C3orf52: variants seen among roughly 807,000 people sequenced by gnomAD.
The protein encoded by C3orf52 is TPA-induced transmembrane protein.
C3orf52 carries 22 observed loss-of-function variants against 24.8 expected under a neutral mutation model. The ratio of observed to expected loss-of-function variants is 0.89; its 90% CI spans 0.63 to 1.27. C3orf52 has a LOEUF of 1.27. C3orf52 is among the 50% of genes most tolerant of loss of function. The pLI is 0.00. For synonymous variants in C3orf52, 93 were observed against 100.2 expected, an observed-to-expected ratio of 0.93 and a Z score of 0.43; for missense variants, 265 against 260.7, an observed-to-expected ratio of 1.02 and a Z score of -0.11.
intron 4 of C3orf52, among the ~76,000 whole-genome samples, chr3:112,110,358 A>G (rs1373390683): frequency 6.6e-6 from 1 of 152,114 alleles, no homozygotes; most frequent in African/African-American, 2.4e-5. Context: ...AATAAAAAAA[A>G]GAAGACATAA....
At chr3:112,107,405 G>A (rs1209453507) in intron 3 of C3orf52, among the ~76,000 whole-genome samples, 2 of 152,166 alleles carry the variant, frequency 1.3e-5, no homozygotes, top group African/African-American at 4.8e-5. Context: ...CCTAGTTCCC[G>A]AGTTTTCTAA....
At position 112,086,538 on chromosome 3, in the gene C3orf52, C is replaced by T. The variant is rs778923035; in HGVS notation, c.131C>T (p.Pro44Leu). Residue 44 changes from proline (P) to leucine (L), a missense_variant, in exon 1 of 6, where the codon CCG (proline) becomes CTG (leucine). Pro to Leu is a moderately conservative substitution (Grantham distance 98). Transcript: ENST00000264848. Reference sequence around the variant, plus strand: ...CCTTCTTTGGACGAGGAGGTCCCCCCGGCCGAGGTAAGGTCCCCTTGGCGC... The same window carrying T: ...CCTTCTTTGGACGAGGAGGTCCCCCTGGCCGAGGTAAGGTCCCCTTGGCGC... ...VFPSLDEEVP[P>L]AEANKESPWS... 41 of 1,550,710 alleles carry T rather than the reference C, an allele frequency of 2.6e-5. No individual in the cohort carries two copies. The highest frequency in any genetic ancestry group is 2.2e-4 in the East Asian group (9 of 40,872).
downstream of C3orf52, chr3:112,123,149 C>G: frequency 2.6e-6 from 1 of 380,778 alleles, no homozygotes; most frequent in Middle Eastern, 7.7e-4. Flanking sequence ...AGAGCAGAGC[C>G]CCTTGTGGTG....
chr3:112,130,725 A>G, downstream of C3orf52: 2 of 577,518 alleles, frequency 3.5e-6, no homozygotes, highest in East Asian at 3.0e-5. Flanking sequence ...GCAACAGCCC[A>G]CTGATGTTCT....
Position 112,118,060 on chromosome 3 carries a change from A to C in C3orf52, c.*1414A>C, listed in dbSNP as rs2074154688. Reference sequence around the variant, plus strand: ...GTCTCATTTTAGTGATTGTTCCTTAAACTAGTGAAACTAGTGGATTTCTCT... The same window carrying C: ...GTCTCATTTTAGTGATTGTTCCTTACACTAGTGAAACTAGTGGATTTCTCT... On this transcript the variant is annotated 3_prime_UTR_variant, in exon 6 of 6. Transcript: ENST00000264848. 6.6e-6 allele frequency: 1 copy of C among 152,206 alleles called. No homozygotes were observed. Among genetic ancestry groups the C allele is most frequent in the African/African-American group, 2.4e-5 (1 of 41,456 alleles). 9.4% of individuals were successfully genotyped at this position (152,206 alleles called of 1,614,324 possible).
chr3:112,133,207 G>A (rs1223289393), downstream of C3orf52: 4 of 1,461,778 alleles, frequency 2.7e-6, no homozygotes, highest in South Asian at 2.3e-5. Flanking sequence ...CTGACTTAAA[G>A]AAAGGGCTGT....
At chr3:112,124,082 G>A (rs2074256672) in intron 4 of C3orf52, among the ~76,000 whole-genome samples, 1 of 152,192 alleles carries the variant, frequency 6.6e-6, no homozygotes, top group Non-Finnish European at 1.5e-5. Context: ...CCCATTGTTG[G>A]AGGTGGTGCC....
intron 1 of C3orf52, among the ~76,000 whole-genome samples, 171 bp from the exon 2 acceptor site, chr3:112,093,189 G>A (rs79910261): frequency 6.0e-4 from 91 of 152,280 alleles, no homozygotes; most frequent in African/African-American, 2.1e-3. Flanking sequence ...ACTTCTTGAT[G>A]AGGTTCTGTT....
downstream of C3orf52, chr3:112,130,271 C>T (rs2074421740): frequency 6.4e-6 from 4 of 626,162 alleles, no homozygotes; most frequent in South Asian, 1.9e-5. Context: ...AGCATATCTC[C>T]TGTCCAAAGT....
intron 2 of C3orf52, among the ~76,000 whole-genome samples, chr3:112,095,223 C>T (rs760750168): frequency 3.9e-5 from 6 of 152,166 alleles, no homozygotes; most frequent in Non-Finnish European, 7.3e-5. Flanking sequence ...GTGTGCTGCA[C>T]CTCCTCCGTC....
chr3:112,122,141 T>G (rs1256942992), downstream of C3orf52: 2 of 152,254 alleles, frequency 1.3e-5, no homozygotes, highest in African/African-American at 4.8e-5. Context: ...ATTTTATTGG[T>G]GCTTGCTCTT....
chr3:112,130,219 T>C (rs1273170709), downstream of C3orf52: 1 of 569,940 alleles, frequency 1.8e-6, no homozygotes, highest in African/African-American at 1.9e-5. Flanking sequence ...AGCAGGGTCT[T>C]AGTTCCTGTT....
chr3:112,086,811 G>C lies in C3orf52; in HGVS notation c.138+266G>C, dbSNP rs538441418. Among the ~76,000 whole-genome samples, 174 of 152,326 alleles carry C rather than the reference G, an allele frequency of 1.1e-3. 1 individual carries two copies. The highest frequency in any genetic ancestry group is 4.1e-3 in the African/African-American group (171 of 41,576). ...ATCCTAGTGGTGAGGTGTGGCCGCT[G>C]CTGTCTTCAGAGAGGTATTCCGGAG... is the stretch of plus-strand genomic sequence containing the variant. On this transcript the variant is annotated intron_variant, in intron 1 of 5. Coordinates refer to ENST00000264848, the MANE Select transcript of C3orf52 (RefSeq NM_024616.3).
chr3:112,118,903 C>T (rs2074163741), downstream of C3orf52, among the ~76,000 whole-genome samples: 1 of 152,196 alleles, frequency 6.6e-6, no homozygotes, highest in Non-Finnish European at 1.5e-5. Flanking sequence ...AGCCATGTGT[C>T]TGATTCTTTT....
chr3:112,112,839 A>C (rs1160918523), intron 4 of C3orf52, 125 bp from the exon 5 acceptor site: 1 of 792,090 alleles, frequency 1.3e-6, no homozygotes, highest in Non-Finnish European at 2.2e-6. Context: ...AGGACAGAAC[A>C]TTCTTTGCTA....
At position 112,125,272 on chromosome 3, in the gene C3orf52, A is replaced by G. The variant is rs770117990; in HGVS notation, c.*47-2961A>G. On this transcript the variant is annotated intron_variant, in intron 4 of 4. Transcript: ENST00000480282. ...TCTTTCATCTGGAGAAAGAAAATAC[A>G]CTCAATGAATTTCAGGTTATGGGGA... 5.2e-6 allele frequency: 8 copies of G among 1,544,350 alleles called. No individual in the cohort carries two copies. The African/African-American group carries it at 5.4e-5, about 11-fold the overall frequency.
downstream of C3orf52, among the ~76,000 whole-genome samples, chr3:112,132,291 T>G (rs1394991207): frequency 6.6e-6 from 1 of 152,118 alleles, no homozygotes; most frequent in East Asian, 1.9e-4. Context: ...TCCAGTAGCA[T>G]GAACTGAGAC....
intron 4 of C3orf52, among the ~76,000 whole-genome samples, chr3:112,125,021 C>T (rs981736374): frequency 1.3e-5 from 2 of 152,134 alleles, no homozygotes; most frequent in Admixed American, 1.3e-4. Flanking sequence ...AATTTAAGTT[C>T]CTTTCAATAA....
At chr3:112,098,185 T>C (rs997148418) in intron 2 of C3orf52, among the ~76,000 whole-genome samples, 1 of 152,238 alleles carries the variant, frequency 6.6e-6, no homozygotes, top group African/African-American at 2.4e-5. Flanking sequence ...CTCTTGTATC[T>C]ATTGGTTCCC....
Sources: allele counts gnomAD v4.1 joint callset (sites outside exome capture counted in the v4.1 genomes callset), GRCh38; gene constraint gnomAD v4.1.1; transcripts MANE v1.5; gene names NCBI Gene and HGNC (gene_info 2026-07-23, HGNC 2026-07-21).